The following CABIN1 variants were observed in gnomAD, a reference collection of about 807,000 sequenced individuals.
CABIN1 encodes calcineurin-binding protein cabin-1.
Under a neutral mutation model 227.7 loss-of-function variants are expected in CABIN1, and 133 were observed. That is an observed-to-expected ratio of 0.58 (90% CI 0.51 to 0.67). CABIN1 has a LOEUF of 0.67. Ranked by LOEUF, CABIN1 falls within the 30% of genes least tolerant of loss-of-function variation. The probability of loss-of-function intolerance (pLI) is 0.00; values close to 1 mark genes in which losing one functional copy is unlikely to be tolerated. For synonymous variants in CABIN1, 1,086 were observed against 1,155.1 expected (o/e 0.94, Z 1.21); for missense variants, 2,408 against 2,852.5 (o/e 0.84, Z 3.55).
intron 29 of CABIN1, among the ~76,000 whole-genome samples, chr22:24,139,981 G>A (rs1031871943): frequency 3.3e-5 from 5 of 152,242 alleles, no homozygotes; most frequent in East Asian, 1.9e-4. Context: ...GTCTCCATGC[G>A]GGGCCTTCAT....
At chr22:24,166,044 G>A (rs1196283590) in intron 31 of CABIN1, among the ~76,000 whole-genome samples, 1 of 152,242 alleles carries the variant, frequency 6.6e-6, no homozygotes, top group Non-Finnish European at 1.5e-5. Context: ...AGGCCAGGGA[G>A]GTTAAGCAGC....
Position 24,165,579 on chromosome 22 carries a change from A to C in CABIN1, c.4960A>C (p.Ile1654Leu). The change falls in exon 31 of 37, where the codon ATC becomes CTC. Residue 1654 changes from isoleucine (I) to leucine (L), a missense_variant. By Grantham distance (5) the Ile-to-Leu change is conservative. Coordinates refer to ENST00000263119, the MANE Select transcript of CABIN1 (RefSeq NM_012295.4). ...DRQVLAQRAF[I>L]LTVKVLEDTL... ...CCAGGTCCTGGCGCAGCGGGCCTTC[A>C]TCCTCACTGTGAAGGTGCTCGAAGA... 1.2e-6 allele frequency: 2 copies of C among 1,613,222 alleles called. No homozygotes were observed. The highest frequency in any genetic ancestry group is 1.7e-6 in the Non-Finnish European group (2 of 1,179,986).
At chr22:24,073,061 C>T (rs1330717179) in intron 18 of CABIN1, among the ~76,000 whole-genome samples, 3 of 152,140 alleles carry the variant, frequency 2.0e-5, no homozygotes, top group African/African-American at 7.2e-5. Flanking sequence ...TGGGTCAGTG[C>T]CTGGCTCATG....
At chr22:24,068,180 G>A (rs2039828729) in intron 16 of CABIN1, among the ~76,000 whole-genome samples, 1 of 152,234 alleles carries the variant, frequency 6.6e-6, no homozygotes. Flanking sequence ...GGGTAAGAAA[G>A]AGTTGGTTTG....
intron 29 of CABIN1, among the ~76,000 whole-genome samples, chr22:24,137,610 C>A (rs2044499175): frequency 6.6e-6 from 1 of 152,242 alleles, no homozygotes; most frequent in South Asian, 2.1e-4. Flanking sequence ...TGACCTGCTG[C>A]TTTTACCATC....
At chr22:24,089,550 A>T (rs2041402305) in intron 23 of CABIN1, among the ~76,000 whole-genome samples, 1 of 152,160 alleles carries the variant, frequency 6.6e-6, no homozygotes, top group African/African-American at 2.4e-5. Flanking sequence ...GAGGTGTTTC[A>T]TAGTTGCCGA....
intron 19 of CABIN1, among the ~76,000 whole-genome samples, chr22:24,079,468 T>C (rs2040665634): frequency 1.3e-5 from 2 of 152,160 alleles, no homozygotes; most frequent in Admixed American, 1.3e-4. Flanking sequence ...ACTTTAAAAA[T>C]TTTATTTTCA....
intron 14 of CABIN1, 122 bp downstream of exon 14, chr22:24,063,268 G>A (rs2039333966): frequency 7.0e-6 from 7 of 996,028 alleles, no homozygotes; most frequent in Non-Finnish European, 1.1e-5. Flanking sequence ...GCATGCATGT[G>A]TACATGCATA....
At chr22:24,014,128 G>C (rs1031089283) in intron 1 of CABIN1, among the ~76,000 whole-genome samples, 2 of 152,136 alleles carry the variant, frequency 1.3e-5, no homozygotes, top group South Asian at 4.1e-4. Context: ...CCACAAATTT[G>C]CTCCCTGACT....
intron 1 of CABIN1, among the ~76,000 whole-genome samples, chr22:24,032,321 C>T (rs1452772808): frequency 1.3e-5 from 2 of 152,190 alleles, no homozygotes; most frequent in East Asian, 3.8e-4. Context: ...GCTAGAGTTT[C>T]CTGCCTTGTT....
chr22:24,087,536 G>A lies in CABIN1; in HGVS notation c.3348G>A (p.Gly1116=). 8 of 1,614,206 alleles carry A rather than the reference G, an allele frequency of 5.0e-6. No individual in the cohort carries two copies. The highest frequency in any genetic ancestry group is 6.8e-6 in the Non-Finnish European group (8 of 1,180,052). Residue 1116 remains glycine, a synonymous_variant, in exon 23 of 37, where the codon GGG becomes GGA. Coordinates refer to ENST00000263119, the MANE Select transcript of CABIN1 (RefSeq NM_012295.4). ...ACTCCAATGAGCTGAAGAGTGATGG[G>A]CCCATTTGGAAGCATGCCACGCCCG... ...KLNSNELKSD[G]PIWKHATPVL... is the part of the protein sequence containing the mutation.
intron 26 of CABIN1, chr22:24,102,305 C>T (rs1479986313): frequency 6.6e-6 from 1 of 152,256 alleles, no homozygotes; most frequent in Non-Finnish European, 1.5e-5. Flanking sequence ...TAGTGCCTTT[C>T]TTGGACTAAA....
intron 26 of CABIN1, among the ~76,000 whole-genome samples, chr22:24,109,240 A>G (rs1358684652): frequency 6.8e-6 from 1 of 147,416 alleles, no homozygotes; most frequent in African/African-American, 2.5e-5. Context: ...TTTTTTTTAG[A>G]CAGGGTCTCG....
At position 24,054,673 on chromosome 22, in the gene CABIN1, C is replaced by T. The variant is rs73399692; in HGVS notation, c.807-200C>T. ...AGGTCCCTGGTCCAGCTTTGGCTGC[C>T]GCATCTTCAGTTCAGCTGTGTTAGA... On this transcript the variant is annotated intron_variant, in intron 8 of 36. Coordinates refer to ENST00000263119, the MANE Select transcript of CABIN1 (RefSeq NM_012295.4). Among the ~76,000 whole-genome samples, 1,403 of 152,220 alleles carry T rather than the reference C, an allele frequency of 9.2e-3. 14 individuals carry two copies. The highest frequency in any genetic ancestry group is 0.031 in the African/African-American group (1,308 of 41,530).
At chr22:24,161,097 G>C (rs2046126707) in intron 29 of CABIN1, among the ~76,000 whole-genome samples, 1 of 152,322 alleles carries the variant, frequency 6.6e-6, no homozygotes, top group Middle Eastern at 3.4e-3. Flanking sequence ...CAGGCACTCA[G>C]CTTAGAGTCT....
At chr22:24,161,915 G>A (rs1452269946) in intron 29 of CABIN1, among the ~76,000 whole-genome samples, 2 of 152,208 alleles carry the variant, frequency 1.3e-5, no homozygotes, top group African/African-American at 4.8e-5. Flanking sequence ...TTCTCTAGGA[G>A]CTTCATAGCC....
intron 33 of CABIN1, among the ~76,000 whole-genome samples, chr22:24,170,339 G>C (rs986428468): frequency 2.6e-5 from 4 of 152,158 alleles, no homozygotes; most frequent in Non-Finnish European, 5.9e-5. Context: ...TTTTGCTCAC[G>C]GCATGTCCTT....
chr22:24,110,352 G>A (rs761556806), intron 26 of CABIN1, among the ~76,000 whole-genome samples: 3 of 152,108 alleles, frequency 2.0e-5, no homozygotes, highest in Admixed American at 6.5e-5. Flanking sequence ...TTTTGCACTC[G>A]TTTTCATTCA....
intron 29 of CABIN1, chr22:24,156,657 A>C (rs2045840622): frequency 6.6e-6 from 1 of 152,254 alleles, no homozygotes; most frequent in Non-Finnish European, 1.5e-5. Context: ...GTGCGGGGAC[A>C]GGAAGATGGT....
Sources: gnomAD v4.1 joint callset for allele counts (sites outside exome capture counted in the v4.1 genomes callset) on GRCh38, gnomAD v4.1.1 for gene constraint, MANE v1.5 for transcripts, NCBI Gene and HGNC (gene_info 2026-07-23, HGNC 2026-07-21) for gene names.